CLEC4F: variants seen among roughly 807,000 people sequenced by gnomAD.
CLEC4F encodes C-type (calcium dependent, carbohydrate-recognition domain) lectin, superfamily member 13.
In CLEC4F, 45 loss-of-function variants were observed where a neutral mutation model predicts 53.4. That is an observed-to-expected ratio of 0.84 (90% CI 0.66 to 1.08). The LOEUF (loss-of-function observed/expected upper bound fraction) is 1.08. Among genes scored for constraint, CLEC4F ranks in the 50% least tolerant of loss-of-function variants. The pLI is 0.00. For synonymous variants in CLEC4F, 245 were observed against 257.5 expected (o/e 0.95, Z 0.46); for missense variants, 753 against 698.2 (o/e 1.08, Z -0.88).
chr2:70,816,218 C>G lies in CLEC4F; in HGVS notation c.1163G>C (p.Arg388Thr). The G allele has an allele frequency of 1.2e-6, 2 of 1,614,186 alleles. No individual in the cohort carries two copies. Among genetic ancestry groups the G allele is most frequent in the Non-Finnish European group, 1.7e-6 (2 of 1,180,028 alleles). ...VLNGHMKNASREIQTLKQGMK... is the reference protein window; with the variant it reads ...VLNGHMKNASTEIQTLKQGMK... ...TCCTTGTTTTAGGGTCTGTATCTCT[C>G]TGCTGGCATTTTTCATATGACCATT... Residue 388 changes from arginine to threonine, a missense_variant, in exon 4 of 7, where the codon AGA becomes ACA. Arg to Thr is a moderately conservative substitution (Grantham distance 71, BLOSUM62 -1). Coordinates refer to ENST00000272367, the MANE Select transcript of CLEC4F (RefSeq NM_173535.3).
intron 4 of CLEC4F, among the ~76,000 whole-genome samples, chr2:70,815,024 A>G (rs1021745997): frequency 6.6e-6 from 1 of 151,998 alleles, no homozygotes; most frequent in Non-Finnish European, 1.5e-5. Flanking sequence ...GGGGCCTCTG[A>G]CCCCAGACCA....
At position 70,820,510 on chromosome 2, in the gene CLEC4F, G is replaced by A. The variant is rs202048172; in HGVS notation, c.14C>T (p.Ala5Val). ...CTGGTTATCTGTGCAGAAGCGGACT[G>A]CCTCACCGTCCATCTCTGCTTCCTT... MDGE[A>V]VRFCTDNQCV... is the part of the protein sequence containing the mutation. The change falls in exon 1 of 7, where the codon GCA becomes GTA. Residue 5 changes from alanine to valine, a missense_variant. Coordinates refer to ENST00000272367, the MANE Select transcript of CLEC4F (RefSeq NM_173535.3). The A allele has an allele frequency of 5.7e-5, 90 of 1,589,302 alleles. No individual in the cohort carries two copies. The highest frequency in any genetic ancestry group is 4.3e-4 in the South Asian group (38 of 87,384).
Position 70,816,509 on chromosome 2 carries a change from T to G in CLEC4F, c.872A>C (p.Asn291Thr), listed in dbSNP as rs1574377438. The G allele has an allele frequency of 1.2e-6, 2 of 1,614,154 alleles. No homozygotes were observed. Among genetic ancestry groups the G allele is most frequent in the East Asian group, 2.2e-5 (1 of 44,878 alleles). Reference protein sequence around the residue: ...ANAEIQGLKENLQNTNALNSQ... With the variant: ...ANAEIQGLKETLQNTNALNSQ... ...GTTTAAAGCATTTGTGTTCTGCAAA[T>G]TTTCCTTTAGTCCCTGGATCTCAGC... The change falls in exon 4 of 7, where the codon AAT becomes ACT. Residue 291 changes from asparagine (N) to threonine (T), a missense_variant. Coordinates refer to ENST00000272367, the MANE Select transcript of CLEC4F (RefSeq NM_173535.3).
chr2:70,816,279 T>C lies in CLEC4F; in HGVS notation c.1102A>G (p.Asn368Asp), dbSNP rs782582748. The change falls in exon 4 of 7, where the codon AAT (asparagine) becomes GAT (aspartate). Residue 368 changes from asparagine (N) to aspartate (D), a missense_variant. Coordinates refer to ENST00000272367, the MANE Select transcript of CLEC4F (RefSeq NM_173535.3). ...ATCTGGGCATTTAAGGTATTCACAT[T>C]TTCCATCTCTGACTTGAATACCTGA... ...QIQVFKSEMENVNTLNAQIQV... is the reference protein window; with the variant it reads ...QIQVFKSEMEDVNTLNAQIQV... 3.1e-6 allele frequency: 5 copies of C among 1,614,250 alleles called. No individual in the cohort carries two copies. Among genetic ancestry groups the C allele is most frequent in the Non-Finnish European group, 4.2e-6 (5 of 1,180,040 alleles).
chr2:70,816,993 T>A lies in CLEC4F; in HGVS notation c.388A>T (p.Asn130Tyr), dbSNP rs1553396452. 1 of 1,614,208 alleles carries A rather than the reference T, an allele frequency of 6.2e-7. No homozygotes were observed. Among genetic ancestry groups the A allele is most frequent in the Non-Finnish European group, 8.5e-7 (1 of 1,180,036 alleles). ...EIQMLKCRVD[N>Y]VNSQLQVLGD... ...AGCACCTGGAGCTGCGAATTGACAT[T>A]GTCCACTCTGCACTTCAACATCTGG... Residue 130 changes from asparagine to tyrosine, a missense_variant, in exon 4 of 7, where the codon AAT (asparagine) becomes TAT (tyrosine). Coordinates refer to ENST00000272367, the MANE Select transcript of CLEC4F (RefSeq NM_173535.3).
chr2:70,817,565 T>C (rs1676993989), intron 3 of CLEC4F, among the ~76,000 whole-genome samples: 1 of 152,214 alleles, frequency 6.6e-6, no homozygotes, highest in East Asian at 1.9e-4. Context: ...TCCTACATTA[T>C]ATTTGTACAC....
chr2:70,817,202 A>C, intron 3 of CLEC4F, 90 bp from the exon 4 acceptor site: 4 of 1,352,256 alleles, frequency 3.0e-6, no homozygotes, highest in Non-Finnish European at 4.0e-6. Flanking sequence ...TAACATTTCC[A>C]AGGGAAATGG....
upstream of CLEC4F, among the ~76,000 whole-genome samples, chr2:70,825,043 C>T (rs1306083240): frequency 2.0e-5 from 3 of 152,152 alleles, no homozygotes; most frequent in African/African-American, 7.2e-5. Flanking sequence ...AAGGTCAACG[C>T]CAACAGTAAT....
intron 4 of CLEC4F, among the ~76,000 whole-genome samples, chr2:70,813,622 T>TCTTTCTTTCTTCCTTC (rs1676726967): frequency 6.8e-6 from 1 of 147,236 alleles, no homozygotes; most frequent in African/African-American, 2.6e-5. Flanking sequence ...TTTCTTTCTT[T>TCTTTCTTTCTTCCTTC]CTTTCTTTCT....
At chr2:70,810,932 C>A in intron 5 of CLEC4F, 1 of 535,202 alleles carries the variant, frequency 1.9e-6, no homozygotes, top group South Asian at 1.6e-5. Context: ...GTTTCATTTT[C>A]ATATTCATCA....
intron 4 of CLEC4F, among the ~76,000 whole-genome samples, chr2:70,813,163 A>C (rs1553394727): frequency 6.6e-6 from 1 of 152,190 alleles, no homozygotes; most frequent in Non-Finnish European, 1.5e-5. Context: ...TCTATGCCAC[A>C]GCTGTTTGAA....
At chr2:70,820,655 T>TCCTC, upstream of CLEC4F, 1 of 850,182 alleles carries the variant, frequency 1.2e-6, no homozygotes, top group Non-Finnish European at 1.8e-6. Flanking sequence ...TCCCAGCTCT[T>TCCTC]CCTCCCTCCC....
At chr2:70,817,460 T>A (rs1209791027) in intron 3 of CLEC4F, among the ~76,000 whole-genome samples, 4 of 152,216 alleles carry the variant, frequency 2.6e-5, no homozygotes, top group African/African-American at 7.2e-5. Flanking sequence ...ACTGATTTTA[T>A]CATTTAGAGC....
intron 5 of CLEC4F, 37 bp from the exon 6 acceptor site, chr2:70,809,894 G>A (rs781845318): frequency 4.8e-6 from 7 of 1,455,882 alleles, no homozygotes; most frequent in Non-Finnish European, 6.8e-6. Flanking sequence ...GCCCCTGTGT[G>A]TGGGGAGCCA....
rs1224862596 is a variant in CLEC4F, at chr2:70,817,203, A to G, written c.269-91T>C. 3.7e-6 allele frequency: 5 copies of G among 1,350,390 alleles called. No homozygotes were observed. The East Asian group carries it at 1.2e-4, about 33-fold the overall frequency. 83.7% of individuals were successfully genotyped at this position (1,350,390 alleles called of 1,614,324 possible). A position where few individuals can be genotyped will look rare whatever the true frequency, so the allele number is the denominator to read the frequency against. ...ACCCAGAGTGTTTCTAACATTTCCA[A>G]GGGAAATGGGTACTGCACAGCCCTC... On this transcript the variant is annotated intron_variant, in intron 3 of 6. Coordinates refer to ENST00000272367, the MANE Select transcript of CLEC4F (RefSeq NM_173535.3).
upstream of CLEC4F, chr2:70,820,638 A>G: frequency 9.9e-7 from 1 of 1,007,814 alleles, no homozygotes; most frequent in Non-Finnish European, 1.4e-6. Context: ...TATGCTCCTG[A>G]CCACCCTCCC....
At chr2:70,821,551 C>T (rs1431041220), upstream of CLEC4F, among the ~76,000 whole-genome samples, 2 of 152,294 alleles carry the variant, frequency 1.3e-5, no homozygotes, top group Non-Finnish European at 2.9e-5. Flanking sequence ...GCCCTGACTC[C>T]ACAGAGACAG....
intron 4 of CLEC4F, among the ~76,000 whole-genome samples, chr2:70,814,853 A>G (rs1676807806): frequency 6.6e-6 from 1 of 150,836 alleles, no homozygotes; most frequent in South Asian, 2.1e-4. Flanking sequence ...AAAAAAAAAA[A>G]TCACAGTTCT....
Position 70,809,767 on chromosome 2 carries a change from T to C in CLEC4F, c.1630A>G (p.Thr544Ala). 1.9e-6 allele frequency: 3 copies of C among 1,614,096 alleles called. No individual in the cohort carries two copies. The South Asian group carries it at 3.3e-5, about 18-fold the overall frequency. ...TEGSWRWTDG[T>A]PFNAAQNKAP... ...TTGTTCTGGGCGGCGTTGAATGGTGTCCCATCTGTCCAGCGCCAGGAGCCC... is the reference window on the plus strand; with the variant it reads ...TTGTTCTGGGCGGCGTTGAATGGTGCCCCATCTGTCCAGCGCCAGGAGCCC... The change falls in exon 6 of 7, where the codon ACA becomes GCA. Residue 544 changes from threonine to alanine, a missense_variant. Physicochemically the swap from Thr to Ala is moderately conservative, Grantham distance 58. Transcript: ENST00000272367.
Sources: gnomAD v4.1 joint callset for allele counts (sites outside exome capture counted in the v4.1 genomes callset) on GRCh38, gnomAD v4.1.1 for gene constraint, MANE v1.5 for transcripts, NCBI Gene and HGNC (gene_info 2026-07-23, HGNC 2026-07-21) for gene names.